The following TBC1D16 variants were observed in gnomAD, a reference collection of about 807,000 sequenced individuals.
TBC1D16 encodes the protein TBC1 domain family member 16.
TBC1D16 carries 58 observed loss-of-function variants against 74.7 expected under a neutral mutation model. The observed-to-expected ratio is 0.78, with a 90% confidence interval of 0.63 to 0.97. TBC1D16 has a LOEUF of 0.97. TBC1D16 is among the 50% of genes least tolerant of loss of function. The probability of loss-of-function intolerance (pLI) is 0.00; values close to 1 mark genes in which losing one functional copy is unlikely to be tolerated. For missense variants in TBC1D16, 1,014 were observed against 1,079.5 expected (o/e 0.94, Z 0.85); for synonymous variants, 493 against 474.7 (o/e 1.04, Z -0.50).
chr17:79,957,824 A>C (rs981782311), intron 3 of TBC1D16, among the ~76,000 whole-genome samples: 8 of 150,836 alleles, frequency 5.3e-5, no homozygotes, highest in Admixed American at 2.7e-4. Context: ...TTTTGCTGTG[A>C]AACTAAAACA....
chr17:79,972,417 C>T (rs2034150702), intron 3 of TBC1D16, among the ~76,000 whole-genome samples: 1 of 152,110 alleles, frequency 6.6e-6, no homozygotes, highest in Non-Finnish European at 1.5e-5. Context: ...CCTCGTGGTC[C>T]ACCCGCCTTG....
chr17:79,991,620 T>G (rs918050917), intron 3 of TBC1D16, among the ~76,000 whole-genome samples: 29 of 149,696 alleles, frequency 1.9e-4, no homozygotes, highest in African/African-American at 6.9e-4. Context: ...AAAATCTGCT[T>G]GGAAGGAGGC....
chr17:79,966,363 A>T (rs2033843225), intron 3 of TBC1D16, among the ~76,000 whole-genome samples: 1 of 151,970 alleles, frequency 6.6e-6, no homozygotes, highest in Admixed American at 6.6e-5. Flanking sequence ...TTGAGGGAAC[A>T]CTCTTCAATC....
chr17:80,005,687 C>T (rs541040887), intron 3 of TBC1D16, among the ~76,000 whole-genome samples: 18 of 152,288 alleles, frequency 1.2e-4, no homozygotes, highest in African/African-American at 3.9e-4. Context: ...ATTTCCAGGC[C>T]GTCGCTGGAC....
At position 79,947,719 on chromosome 17, in the gene TBC1D16, A is replaced by G; in HGVS notation, c.1654T>C (p.Trp552Arg). The G allele has an allele frequency of 6.2e-7, 1 of 1,614,128 alleles. No individual in the cohort carries two copies. ...AEVLDESDTF[W>R]CFVGLMQNTI... ...TTCTGCATCAAACCCACAAAGCACCAGAAGGTGTCTGACTCATCCAGGACC... is the reference window on the plus strand; with the variant it reads ...TTCTGCATCAAACCCACAAAGCACCGGAAGGTGTCTGACTCATCCAGGACC... The change falls in exon 9 of 12, where the codon TGG (tryptophan) becomes CGG (arginine). Residue 552 changes from tryptophan (W) to arginine (R), a missense_variant. Transcript: ENST00000310924.
intron 1 of TBC1D16, among the ~76,000 whole-genome samples, chr17:80,019,022 C>T (rs898385552): frequency 2.0e-5 from 3 of 150,316 alleles, no homozygotes; most frequent in Non-Finnish European, 4.4e-5. Flanking sequence ...TGGACAAGGC[C>T]GCAGCGGGGC....
At chr17:80,033,339 T>A (rs1031514277) in intron 1 of TBC1D16, among the ~76,000 whole-genome samples, 1 of 150,188 alleles carries the variant, frequency 6.7e-6, no homozygotes, top group Non-Finnish European at 1.5e-5. Flanking sequence ...GGAGTTGGGG[T>A]TTTTGTTGTT....
rs1177884267 is a variant in TBC1D16, at chr17:80,007,158, C to T, written c.779+3002G>A. Among the ~76,000 whole-genome samples, 1 of 152,206 alleles carries T rather than the reference C, an allele frequency of 6.6e-6. No homozygotes were observed. The highest frequency in any genetic ancestry group is 6.5e-5 in the Admixed American group (1 of 15,276). On this transcript the variant is annotated intron_variant, in intron 3 of 11. Coordinates refer to ENST00000310924, the MANE Select transcript of TBC1D16 (RefSeq NM_019020.4). The surrounding 1 kb of genome is among the most constrained non-coding windows in gnomAD (Gnocchi z 4.5). ...CTCCCCTGGACCGGGCTGACACAGGCCTGAGGTGCGAGCCACACCGAGCCC... is the reference window on the plus strand; with the variant it reads ...CTCCCCTGGACCGGGCTGACACAGGTCTGAGGTGCGAGCCACACCGAGCCC...
At position 79,951,513 on chromosome 17, in the gene TBC1D16, C is replaced by G; in HGVS notation, c.1026G>C (p.Leu342=). The part of the protein sequence containing the change: ...YKVFHFHHGG[L]DKLSDVFQQW... Reference sequence around the variant, plus strand: ...GCTGGAACACGTCAGACAGCTTGTCCAGGCCGCCGTGGTGGAAGTGGAAAA... The same window carrying G: ...GCTGGAACACGTCAGACAGCTTGTCGAGGCCGCCGTGGTGGAAGTGGAAAA... Residue 342 remains leucine (L), a synonymous_variant, in exon 5 of 12, where the codon CTG becomes CTC. Coordinates refer to ENST00000310924, the MANE Select transcript of TBC1D16 (RefSeq NM_019020.4). 2 of 1,614,108 alleles carry G rather than the reference C, an allele frequency of 1.2e-6. No homozygotes were observed. Among genetic ancestry groups the G allele is most frequent in the Non-Finnish European group, 1.7e-6 (2 of 1,180,002 alleles).
chr17:80,021,260 A>AAAAC (rs141088255), intron 1 of TBC1D16, among the ~76,000 whole-genome samples: 3,474 of 148,688 alleles, frequency 0.023, 434 homozygotes, highest in African/African-American at 0.085. Context: ...TCAAAAAACA[A>AAAAC]AAACAAACAA....
In TBC1D16 at chr17:79,986,315, G is replaced by A. The variant is rs2034832140; in HGVS notation, c.779+23845C>T. On this transcript the variant is annotated intron_variant, in intron 3 of 11. Coordinates refer to ENST00000310924, the MANE Select transcript of TBC1D16 (RefSeq NM_019020.4). The surrounding 1 kb of genome is among the most constrained non-coding windows in gnomAD (Gnocchi z 6.0). ...CCCCAGGTCTATATCCCAAGGCCACGTTCGCTTCATAAACGCAAGGTGATC... is the reference window on the plus strand; with the variant it reads ...CCCCAGGTCTATATCCCAAGGCCACATTCGCTTCATAAACGCAAGGTGATC... 6.6e-6 allele frequency among the ~76,000 whole-genome samples: 1 copy of A among 152,234 alleles called. No homozygotes were observed. The highest frequency in any genetic ancestry group is 6.5e-5 in the Admixed American group (1 of 15,286).
intron 3 of TBC1D16, among the ~76,000 whole-genome samples, chr17:79,995,391 C>T (rs565618295): frequency 1.3e-5 from 2 of 152,188 alleles, no homozygotes; most frequent in African/African-American, 4.8e-5. Flanking sequence ...GGAAGAGCAG[C>T]CTCTTCAACA....
At position 79,949,779 on chromosome 17, in the gene TBC1D16, C is replaced by G; in HGVS notation, c.1344G>C (p.Ser448=). 1 of 1,613,726 alleles carries G rather than the reference C, an allele frequency of 6.2e-7. No individual in the cohort carries two copies. Among genetic ancestry groups the G allele is most frequent in the Non-Finnish European group, 8.5e-7 (1 of 1,179,928 alleles). Residue 448 remains serine (S), a synonymous_variant, in exon 7 of 12, where the codon TCG becomes TCC. Transcript: ENST00000310924. The stretch of plus-strand genomic sequence containing the variant: ...GCAGCCGCAGCGCCTCCCGCTCCTC[C>G]GACGTGGACTCGTGGCTGTAATAGC... ...LLRYYSHEST[S]EEREALRLQK...
At position 80,000,679 on chromosome 17, in the gene TBC1D16, T is replaced by C. The variant is rs759700631; in HGVS notation, c.779+9481A>G. On this transcript the variant is annotated intron_variant, in intron 3 of 11. Coordinates refer to ENST00000310924, the MANE Select transcript of TBC1D16 (RefSeq NM_019020.4). The surrounding 1 kb of genome is among the most constrained non-coding windows in gnomAD (Gnocchi z 4.1). The stretch of plus-strand genomic sequence containing the variant: ...CAGTCAGGTACACAGTGATGATGAC[T>C]GTCTATCTGCCCTGTACTGAGCCCT... Among the ~76,000 whole-genome samples, 1 of 152,226 alleles carries C rather than the reference T, an allele frequency of 6.6e-6. No homozygotes were observed. The highest frequency in any genetic ancestry group is 1.5e-5 in the Non-Finnish European group (1 of 68,048).
intron 3 of TBC1D16, among the ~76,000 whole-genome samples, chr17:79,960,151 G>A (rs1041454365): frequency 1.3e-5 from 2 of 151,904 alleles, no homozygotes; most frequent in African/African-American, 4.8e-5. Flanking sequence ...CCACAGACTG[G>A]GAAAAAGATA....
At chr17:80,019,946 A>G (rs900503321) in intron 1 of TBC1D16, among the ~76,000 whole-genome samples, 25 of 150,010 alleles carry the variant, frequency 1.7e-4, no homozygotes, top group Non-Finnish European at 3.5e-4. Context: ...AAACCCCAGT[A>G]CCCAAGAATG....
chr17:79,950,383 G>A lies in TBC1D16; in HGVS notation c.1257+28C>T. The A allele has an allele frequency of 6.3e-7, 1 of 1,575,024 alleles. No individual in the cohort carries two copies. The highest frequency in any genetic ancestry group is 8.6e-7 in the Non-Finnish European group (1 of 1,161,020). ...CCCGGTTCCCGGCCGGCTCTCCGCG[G>A]GGCCAGCTGGGCGGACCCGGACCTC... On this transcript the variant is annotated intron_variant, in intron 6 of 11. Transcript: ENST00000310924. This position sits in a 1 kb window ranked among gnomAD's most constrained non-coding sequence, Gnocchi z 4.6.
chr17:79,980,363 G>A lies in TBC1D16; in HGVS notation c.780-27545C>T, dbSNP rs1223106666. The stretch of plus-strand genomic sequence containing the variant: ...CCACCATGTAGGGTCAGCAAATTCC[G>A]CCTAACAAGCCGGAGCTTTCCTTCC... On this transcript the variant is annotated intron_variant, in intron 3 of 11. Coordinates refer to ENST00000310924, the MANE Select transcript of TBC1D16 (RefSeq NM_019020.4). The surrounding 1 kb of genome is among the most constrained non-coding windows in gnomAD (Gnocchi z 7.0). Among the ~76,000 whole-genome samples the A allele has an allele frequency of 1.3e-5, 2 of 152,140 alleles. No individual in the cohort carries two copies. Among genetic ancestry groups the A allele is most frequent in the African/African-American group, 2.4e-5 (1 of 41,422 alleles).
In TBC1D16 at chr17:79,950,330, C is replaced by T. The variant is rs1353231437; in HGVS notation, c.1257+81G>A. ...CCGTGGGTGCGGGCGGGCGGCCAGG[C>T]CCCGGCCCTCCTTCCCTCTCGCTCG... On this transcript the variant is annotated intron_variant, in intron 6 of 11. Coordinates refer to ENST00000310924, the MANE Select transcript of TBC1D16 (RefSeq NM_019020.4). The surrounding 1 kb of genome is among the most constrained non-coding windows in gnomAD (Gnocchi z 4.6). 79 of 1,464,468 alleles carry T rather than the reference C, an allele frequency of 5.4e-5. No individual in the cohort carries two copies. Among genetic ancestry groups the T allele is most frequent in the Non-Finnish European group, 6.6e-5 (73 of 1,110,912 alleles). The allele number at this position is 1,464,468 out of a possible 1,614,324, so 90.7% of individuals were successfully genotyped here.
Sources: allele counts gnomAD v4.1 joint callset (sites outside exome capture counted in the v4.1 genomes callset), GRCh38; gene constraint gnomAD v4.1.1; non-coding constraint Gnocchi (gnomAD v3.1); transcripts MANE v1.5; gene names NCBI Gene and HGNC (gene_info 2026-07-23, HGNC 2026-07-21).